Variants in CLCN1 observed in about 807,000 individuals in gnomAD.
CLCN1 encodes chloride channel protein 1.
In CLCN1, 100 loss-of-function variants were observed where a neutral mutation model predicts 114.5. The ratio of observed to expected loss-of-function variants is 0.87; its 90% CI spans 0.74 to 1.03. CLCN1 has a LOEUF of 1.03. CLCN1 is among the 50% of genes least tolerant of loss of function. The pLI, the probability that CLCN1 is intolerant of heterozygous loss-of-function variation, is 0.00. For missense variants in CLCN1, 1,188 were observed against 1,250.0 expected, an observed-to-expected ratio of 0.95 and a Z score of 0.75; for synonymous variants, 485 against 487.1, an observed-to-expected ratio of 1.00 and a Z score of 0.06.
intron 20 of CLCN1, among the ~76,000 whole-genome samples, chr7:143,349,906 TC>T (rs967804675): frequency 9.2e-5 from 14 of 151,570 alleles, no homozygotes; most frequent in African/African-American, 3.2e-4. Flanking sequence ...ATTGGGAGAG[TC>T]AGGAAATACG....
In CLCN1 at chr7:143,321,337, G is replaced by A; in HGVS notation, c.434-28G>A. The stretch of plus-strand genomic sequence containing the variant: ...GGACACGGCTGCTCAGCCATGTTCT[G>A]CCTAACCCCAGGCATGTGTCTCCGC... On this transcript the variant is annotated intron_variant, in intron 3 of 22. Transcript: ENST00000343257. The surrounding 1 kb of genome is among the most constrained non-coding windows in gnomAD (Gnocchi z 4.2). 2 of 1,613,640 alleles carry A rather than the reference G, an allele frequency of 1.2e-6. No homozygotes were observed. The highest frequency in any genetic ancestry group is 1.7e-6 in the Non-Finnish European group (2 of 1,179,890).
At chr7:143,328,155 G>A (rs1802622104) in intron 7 of CLCN1, among the ~76,000 whole-genome samples, 1 of 152,186 alleles carries the variant, frequency 6.6e-6, no homozygotes, top group African/African-American at 2.4e-5. Context: ...GACATATCTA[G>A]GTGAGACCAT....
intron 12 of CLCN1, among the ~76,000 whole-genome samples, chr7:143,336,434 AC>A: frequency 6.6e-6 from 1 of 151,936 alleles, no homozygotes; most frequent in Non-Finnish European, 1.5e-5. Flanking sequence ...ACATGGCAAA[AC>A]CCTGTCTCAA....
intron 12 of CLCN1, among the ~76,000 whole-genome samples, chr7:143,335,130 C>T (rs988296521): frequency 3.3e-5 from 5 of 152,152 alleles, no homozygotes; most frequent in South Asian, 2.1e-4. Context: ...CCTGTAGAAA[C>T]GAAATACTGT....
intron 12 of CLCN1, among the ~76,000 whole-genome samples, chr7:143,334,548 G>A (rs1222622312): frequency 6.6e-6 from 1 of 151,852 alleles, no homozygotes; most frequent in Non-Finnish European, 1.5e-5. Flanking sequence ...TTAACCTTTA[G>A]CTATATCTTA....
chr7:143,329,718 G>A (rs964968834), intron 7 of CLCN1, among the ~76,000 whole-genome samples: 3 of 152,190 alleles, frequency 2.0e-5, no homozygotes, highest in South Asian at 2.1e-4. Context: ...CTGAGGCCAG[G>A]CCTCATCTCC....
At chr7:143,323,191 C>T in intron 5 of CLCN1, 118 bp from the exon 6 acceptor site, 1 of 723,650 alleles carries the variant, frequency 1.4e-6, no homozygotes, top group Non-Finnish European at 2.5e-6. Context: ...CTCTGTGTAA[C>T]TCCCGTATTT....
chr7:143,346,684 C>T (rs368446473), intron 19 of CLCN1, 26 bp downstream of exon 19: 1 of 1,582,314 alleles, frequency 6.3e-7, no homozygotes, highest in Non-Finnish European at 8.7e-7. Context: ...TTTGGGGATA[C>T]AGGGGAAAGG....
intron 20 of CLCN1, among the ~76,000 whole-genome samples, chr7:143,349,654 C>T (rs548079208): frequency 3.1e-4 from 47 of 152,356 alleles, no homozygotes; most frequent in Non-Finnish European, 5.7e-4. Flanking sequence ...TTGCTCAAGT[C>T]AGCTAAGTGC....
intron 12 of CLCN1, among the ~76,000 whole-genome samples, chr7:143,334,954 G>C (rs1802833228): frequency 6.6e-6 from 1 of 152,128 alleles, no homozygotes; most frequent in South Asian, 2.1e-4. Context: ...ATTAGTTGTT[G>C]AGTACACAAA....
chr7:143,320,551 T>G, intron 2 of CLCN1, 113 bp from the exon 3 acceptor site: 19 of 864,752 alleles, frequency 2.2e-5, no homozygotes, highest in African/African-American at 3.7e-5. Flanking sequence ...CGTTAGCTGC[T>G]TTTCTCTCTC....
At chr7:143,333,168 G>A (rs774875679) in intron 12 of CLCN1, among the ~76,000 whole-genome samples, 2 of 152,162 alleles carry the variant, frequency 1.3e-5, no homozygotes, top group Non-Finnish European at 2.9e-5. Context: ...AGGCATGGTG[G>A]CGCATGCCTG....
chr7:143,332,447 T>C lies in CLCN1; in HGVS notation c.1195T>C (p.Phe399Leu), dbSNP rs1178110314. ...HRLLYPGIVT[F>L]VIASFTFPPG... ...CCTGCTGTATCCTGGAATTGTTACC[T>C]TTGTCATTGCCTCATTCACCTTCCC... The change falls in exon 11 of 23, where the codon TTT (phenylalanine) becomes CTT (leucine). Residue 399 changes from phenylalanine (F) to leucine (L), a missense_variant. Physicochemically the swap from Phe to Leu is conservative, Grantham distance 22 (BLOSUM62 0). Transcript: ENST00000343257. The C allele has an allele frequency of 6.2e-7, 1 of 1,614,136 alleles. No individual in the cohort carries two copies. Among genetic ancestry groups the C allele is most frequent in the Non-Finnish European group, 8.5e-7 (1 of 1,180,012 alleles).
intron 14 of CLCN1, among the ~76,000 whole-genome samples, chr7:143,341,404 C>G (rs890236089): frequency 5.3e-5 from 8 of 151,744 alleles, no homozygotes; most frequent in African/African-American, 1.9e-4. Context: ...ACTAAAAATA[C>G]AAAAATTAGA....
intron 3 of CLCN1, 129 bp downstream of exon 3, chr7:143,320,924 T>C: frequency 2.3e-5 from 25 of 1,110,176 alleles, no homozygotes; most frequent in Middle Eastern, 2.8e-4. Context: ...CAGAGAGGGA[T>C]CAGGTGGGAC....
At chr7:143,345,370 A>T in intron 16 of CLCN1, 151 bp from the exon 17 acceptor site, 1 of 1,039,108 alleles carries the variant, frequency 9.6e-7, no homozygotes, top group Non-Finnish European at 1.4e-6. Flanking sequence ...TTAATCTTGG[A>T]GGATTCTTAA....
chr7:143,322,250 C>T (rs1222498080), intron 5 of CLCN1, among the ~76,000 whole-genome samples: 1 of 152,208 alleles, frequency 6.6e-6, no homozygotes, highest in Non-Finnish European at 1.5e-5. Context: ...ACAAAATCTC[C>T]CCTGGTTGAG....
At chr7:143,323,500 G>A (rs1308600498) in intron 6 of CLCN1, 114 bp downstream of exon 6, 6 of 795,450 alleles carry the variant, frequency 7.5e-6, no homozygotes, top group Middle Eastern at 2.2e-4. Context: ...TGCTGAAGCA[G>A]CATCGCACTA....
intron 1 of CLCN1, among the ~76,000 whole-genome samples, 153 bp downstream of exon 1, chr7:143,316,545 A>C (rs752738782): frequency 6.6e-6 from 1 of 152,214 alleles, no homozygotes; most frequent in Admixed American, 6.5e-5. Flanking sequence ...CAAAATATGA[A>C]AATCTTTGAA....
Sources: gnomAD v4.1 joint callset for allele counts (sites outside exome capture counted in the v4.1 genomes callset) on GRCh38, gnomAD v4.1.1 for gene constraint, Gnocchi (gnomAD v3.1) non-coding constraint, MANE v1.5 for transcripts, NCBI Gene and HGNC (gene_info 2026-07-23, HGNC 2026-07-21) for gene names.